Variants in CPQ observed in about 807,000 individuals in gnomAD.
The protein encoded by CPQ is carboxypeptidase Q, also known as Ser-Met dipeptidase.
CPQ carries 37 observed loss-of-function variants against 45.7 expected under a neutral mutation model. That is an observed-to-expected ratio of 0.81 (90% CI 0.62 to 1.07). The LOEUF (loss-of-function observed/expected upper bound fraction) is 1.07. Among genes scored for constraint, CPQ ranks in the 50% least tolerant of loss-of-function variants. CPQ has a pLI of 0.00. For synonymous variants in CPQ, 186 were observed against 205.8 expected (o/e 0.90, Z 0.82); for missense variants, 537 against 572.9 (o/e 0.94, Z 0.64).
chr8:96,969,969 T>C (rs1033124254), intron 5 of CPQ, among the ~76,000 whole-genome samples: 9 of 152,140 alleles, frequency 5.9e-5, no homozygotes, highest in African/African-American at 2.2e-4. Flanking sequence ...TGGCCCAGAA[T>C]ACAACCATGA....
intron 2 of CPQ, among the ~76,000 whole-genome samples, chr8:96,827,691 T>A (rs763876337): frequency 3.3e-5 from 5 of 152,076 alleles, no homozygotes; most frequent in Non-Finnish European, 5.9e-5. Flanking sequence ...ACAAGAAGCC[T>A]GGTGATGCCA....
chr8:97,129,463 G>A (rs1355625111), intron 7 of CPQ, among the ~76,000 whole-genome samples: 2 of 152,152 alleles, frequency 1.3e-5, no homozygotes, highest in African/African-American at 4.8e-5. Context: ...ATAAGATAAT[G>A]CCTGTAAGTG....
intron 7 of CPQ, among the ~76,000 whole-genome samples, chr8:97,082,878 T>C (rs1287612700): frequency 6.6e-6 from 1 of 152,090 alleles, no homozygotes; most frequent in Non-Finnish European, 1.5e-5. Context: ...AGGAACACTC[T>C]CTACAGCTAC....
intron 5 of CPQ, among the ~76,000 whole-genome samples, chr8:97,022,828 T>C (rs1197864099): frequency 2.0e-5 from 3 of 151,718 alleles, no homozygotes; most frequent in Non-Finnish European, 4.4e-5. Flanking sequence ...GGGAGATTCC[T>C]TAAAGAACTA....
intron 3 of CPQ, among the ~76,000 whole-genome samples, chr8:96,863,462 C>A (rs940199529): frequency 5.3e-5 from 8 of 151,898 alleles, no homozygotes; most frequent in Admixed American, 3.3e-4. Flanking sequence ...TCTGCTTATA[C>A]AGGTGAGGAG....
intron 1 of CPQ, among the ~76,000 whole-genome samples, chr8:96,720,121 A>T (rs1050866499): frequency 6.6e-6 from 1 of 152,232 alleles, no homozygotes; most frequent in African/African-American, 2.4e-5. Context: ...GCCATCTTGG[A>T]AAAAAATGTA....
chr8:96,790,852 GGT>G (rs1377508684), intron 2 of CPQ, among the ~76,000 whole-genome samples: 1 of 152,212 alleles, frequency 6.6e-6, no homozygotes, highest in Non-Finnish European at 1.5e-5. Context: ...TATTTTGTGG[GGT>G]GAAGATCTGC....
chr8:97,039,178 G>C (rs757610653), intron 6 of CPQ, among the ~76,000 whole-genome samples: 10 of 152,218 alleles, frequency 6.6e-5, no homozygotes, highest in Non-Finnish European at 1.2e-4. Context: ...TAATTACCTT[G>C]TTGGAGGAAG....
chr8:96,675,879 A>G (rs1809071064), intron 1 of CPQ, among the ~76,000 whole-genome samples: 2 of 152,140 alleles, frequency 1.3e-5, no homozygotes, highest in Admixed American at 6.6e-5. Context: ...TCTTATTGAT[A>G]TGTGAAAACT....
At chr8:96,994,928 AC>A (rs1809153067) in intron 5 of CPQ, among the ~76,000 whole-genome samples, 1 of 152,068 alleles carries the variant, frequency 6.6e-6, no homozygotes, top group African/African-American at 2.4e-5. Flanking sequence ...GGCATTTATG[AC>A]CTTGGCATTC....
At chr8:96,964,771 T>A (rs1181290895) in intron 4 of CPQ, among the ~76,000 whole-genome samples, 1 of 152,216 alleles carries the variant, frequency 6.6e-6, no homozygotes, top group African/African-American at 2.4e-5. Context: ...GTTTAAGATA[T>A]CTTTGCCTAC....
chr8:96,747,560 G>C (rs1388174157), intron 1 of CPQ, among the ~76,000 whole-genome samples: 2 of 152,134 alleles, frequency 1.3e-5, no homozygotes, highest in Non-Finnish European at 2.9e-5. Context: ...ACTGACAGAG[G>C]GTTGTCTTGG....
At chr8:97,014,036 A>T (rs1183352191) in intron 5 of CPQ, among the ~76,000 whole-genome samples, 2 of 152,208 alleles carry the variant, frequency 1.3e-5, no homozygotes, top group Non-Finnish European at 2.9e-5. Context: ...GATGACTGCT[A>T]TAGGTGATAA....
rs116603237 is a variant in CPQ at position 96,911,236 on chromosome 8, C to T, written c.849+31231C>T. 2.2e-3 allele frequency among the ~76,000 whole-genome samples: 335 copies of T among 152,146 alleles called. 2 individuals are homozygous for T. Among genetic ancestry groups the T allele is most frequent in the African/African-American group, 7.7e-3 (319 of 41,436 alleles). On this transcript the variant is annotated intron_variant, in intron 4 of 7. Transcript: ENST00000220763. ...AAAACAAAACATATAAGACATCAAC[C>T]ACAAGAAGCCCTTGCTCCAAAATGC...
At chr8:97,041,801 A>T (rs1424500160) in intron 6 of CPQ, among the ~76,000 whole-genome samples, 1 of 152,210 alleles carries the variant, frequency 6.6e-6, no homozygotes, top group Non-Finnish European at 1.5e-5. Flanking sequence ...AGATTTGCGT[A>T]TATTGAACCA....
intron 5 of CPQ, among the ~76,000 whole-genome samples, chr8:96,992,187 G>C (rs1322433812): frequency 6.6e-6 from 1 of 152,110 alleles, no homozygotes; most frequent in African/African-American, 2.4e-5. Flanking sequence ...AAGATAATTA[G>C]GTACTTTAGT....
At chr8:96,844,230 GA>G (rs1811654820) in intron 3 of CPQ, among the ~76,000 whole-genome samples, 1 of 152,182 alleles carries the variant, frequency 6.6e-6, no homozygotes, top group Non-Finnish European at 1.5e-5. Flanking sequence ...AGAATCCTGA[GA>G]AACTTTTTCC....
At chr8:96,794,999 C>T (rs1406221907) in intron 2 of CPQ, among the ~76,000 whole-genome samples, 2 of 152,184 alleles carry the variant, frequency 1.3e-5, no homozygotes, top group Non-Finnish European at 2.9e-5. Flanking sequence ...CCCACATTTT[C>T]CTGTCTTCTT....
At chr8:97,080,005 C>A (rs1810917852) in intron 7 of CPQ, among the ~76,000 whole-genome samples, 1 of 152,158 alleles carries the variant, frequency 6.6e-6, no homozygotes, top group Non-Finnish European at 1.5e-5. Flanking sequence ...TGCTAGGGCA[C>A]AATCCTAGCC....
Sources: allele counts gnomAD v4.1 joint callset (sites outside exome capture counted in the v4.1 genomes callset), GRCh38; gene constraint gnomAD v4.1.1; transcripts MANE v1.5; gene names NCBI Gene and HGNC (gene_info 2026-07-23, HGNC 2026-07-21).